The following MPHOSPH10 variants were observed in gnomAD, a reference collection of about 807,000 sequenced individuals.
The protein encoded by MPHOSPH10 is M-phase phosphoprotein 10, also known as U3 small nucleolar ribonucleoprotein MPP10.
A neutral mutation model predicts 77.3 loss-of-function variants in MPHOSPH10; 33 were observed. The observed-to-expected ratio is 0.43, with a 90% confidence interval of 0.32 to 0.57. MPHOSPH10 has a LOEUF of 0.57. Ranked by LOEUF, MPHOSPH10 falls within the 20% of genes least tolerant of loss-of-function variation. MPHOSPH10 has a pLI of 0.07. For missense variants in MPHOSPH10, 708 were observed against 780.1 expected (o/e 0.91, Z 1.10); for synonymous variants, 245 against 268.0 (o/e 0.91, Z 0.84).
intron 5 of MPHOSPH10, chr2:71,138,924 C>T (rs1673555326): frequency 5.1e-6 from 3 of 586,662 alleles, no homozygotes; most frequent in Non-Finnish European, 9.1e-6. Flanking sequence ...ATCCCATCTA[C>T]TCGGAAGGCT....
At chr2:71,149,156 C>G in intron 9 of MPHOSPH10, 67 bp from the exon 10 acceptor site, 1 of 1,424,244 alleles carries the variant, frequency 7.0e-7, no homozygotes, top group Admixed American at 2.4e-5. Flanking sequence ...CCTGCAGTTT[C>G]TTCCATTCCA....
At chr2:71,134,338 G>A (rs543518029) in intron 3 of MPHOSPH10, among the ~76,000 whole-genome samples, 1 of 152,208 alleles carries the variant, frequency 6.6e-6, no homozygotes, top group African/African-American at 2.4e-5. Flanking sequence ...CTTTGATTTG[G>A]TTTTGTGTCA....
Position 71,133,547 on chromosome 2 carries a change from G to T in MPHOSPH10, c.739G>T (p.Gly247Trp). The T allele has an allele frequency of 6.2e-7, 1 of 1,602,156 alleles. No homozygotes were observed. The highest frequency in any genetic ancestry group is 8.5e-7 in the Non-Finnish European group (1 of 1,175,646). ...FEDIDSDEDE[G>W]GLFGSKKLKS... Reference sequence around the variant, plus strand: ...AGATATTGATTCTGATGAAGATGAAGGGGGACTGTTTGGAAGTAAAAAACT... The same window carrying T: ...AGATATTGATTCTGATGAAGATGAATGGGGACTGTTTGGAAGTAAAAAACT... The change falls in exon 2 of 11, where the codon GGG becomes TGG. Residue 247 changes from glycine (G) to tryptophan (W), a missense_variant. Physicochemically the swap from Gly to Trp is radical, Grantham distance 184 (BLOSUM62 -2). Coordinates refer to ENST00000244230, the MANE Select transcript of MPHOSPH10 (RefSeq NM_005791.3).
At chr2:71,143,709 T>C (rs538832042) in intron 7 of MPHOSPH10, among the ~76,000 whole-genome samples, 1 of 152,222 alleles carries the variant, frequency 6.6e-6, no homozygotes, top group Non-Finnish European at 1.5e-5. Context: ...AATGGAACCA[T>C]ACCATATGTG....
intron 2 of MPHOSPH10, 34 bp from the exon 3 acceptor site, chr2:71,133,914 C>T: frequency 7.3e-7 from 1 of 1,375,206 alleles, no homozygotes; most frequent in East Asian, 2.5e-5. Flanking sequence ...TTTTCTATCC[C>T]TAATTAATAG....
chr2:71,137,706 A>G (rs1389159669), intron 4 of MPHOSPH10, among the ~76,000 whole-genome samples: 1 of 151,530 alleles, frequency 6.6e-6, no homozygotes, highest in Non-Finnish European at 1.5e-5. Flanking sequence ...ATGTATTTAT[A>G]TTCCACTAAG....
intron 1 of MPHOSPH10, among the ~76,000 whole-genome samples, chr2:71,131,219 A>G (rs1673370727): frequency 6.6e-6 from 1 of 152,228 alleles, no homozygotes; most frequent in South Asian, 2.1e-4. Flanking sequence ...TGAAGAATTT[A>G]AAATGTGATC....
intron 1 of MPHOSPH10, among the ~76,000 whole-genome samples, chr2:71,131,294 A>G (rs1410874727): frequency 6.6e-6 from 1 of 152,240 alleles, no homozygotes; most frequent in Non-Finnish European, 1.5e-5. Context: ...GCTCACAGCA[A>G]CTACAGACTG....
At chr2:71,140,608 A>G (rs1007583937) in intron 6 of MPHOSPH10, among the ~76,000 whole-genome samples, 3 of 152,164 alleles carry the variant, frequency 2.0e-5, no homozygotes, top group Non-Finnish European at 2.9e-5. Context: ...TAGTTCTACA[A>G]TTTTAAAACC....
intron 10 of MPHOSPH10, 115 bp downstream of exon 10, chr2:71,149,568 T>C: frequency 1.0e-6 from 1 of 966,798 alleles, no homozygotes; most frequent in Non-Finnish European, 1.6e-6. Context: ...GGGATAGAGA[T>C]GCATGATGCT....
In MPHOSPH10 at chr2:71,133,335, A is replaced by C. The variant is rs765709369; in HGVS notation, c.527A>C (p.Asp176Ala). The C allele has an allele frequency of 1.2e-6, 2 of 1,614,028 alleles. No individual in the cohort carries two copies. Among genetic ancestry groups the C allele is most frequent in the East Asian group, 2.2e-5 (1 of 44,882 alleles). The change falls in exon 2 of 11, where the codon GAT becomes GCT. Residue 176 changes from aspartate (D) to alanine (A), a missense_variant. Around this residue, in one of 3 missense-constraint regions of MPHOSPH10, gnomAD observed 433 missense variants for 432.6 expected, o/e 1.00. Transcript: ENST00000244230. ...FSDEDSDLDF[D>A]ISKLEQQSKV... ...GATGAGGATTCTGACCTTGACTTTG[A>C]TATCAGCAAATTGGAACAGCAGAGC...
intron 8 of MPHOSPH10, among the ~76,000 whole-genome samples, chr2:71,144,971 A>G (rs1257639432): frequency 2.0e-5 from 3 of 152,206 alleles, no homozygotes; most frequent in East Asian, 3.8e-4. Context: ...ACATACACTA[A>G]CACTTAATGC....
chr2:71,146,598 A>G (rs918813571), intron 8 of MPHOSPH10, among the ~76,000 whole-genome samples: 2 of 152,096 alleles, frequency 1.3e-5, no homozygotes, highest in African/African-American at 2.4e-5. Flanking sequence ...TTGGCCTCCC[A>G]AAGTGCTGGG....
Position 71,132,949 on chromosome 2 carries a change from T to G in MPHOSPH10, c.141T>G (p.Tyr47Ter). 1 of 1,613,446 alleles carries G rather than the reference T, an allele frequency of 6.2e-7. No homozygotes were observed. The highest frequency in any genetic ancestry group is 8.5e-7 in the Non-Finnish European group (1 of 1,179,730). ...TCACTTCTTTAACAAAAGTGCTTTATGACTTTAATAAAATATTAGAGAATG... is the reference window on the plus strand; with the variant it reads ...TCACTTCTTTAACAAAAGTGCTTTAGGACTTTAATAAAATATTAGAGAATG... ...SKFTSLTKVL[Y>*]DFNKILENGR... The change falls in exon 2 of 11, where the codon TAT (tyrosine) becomes TAG (stop). Residue 47 changes from tyrosine (Y) to a stop codon, truncating the protein, a stop_gained. Transcript: ENST00000244230. LOFTEE classifies it high-confidence loss of function.
At chr2:71,138,898 G>A (rs926843078) in intron 5 of MPHOSPH10, 83 of 599,416 alleles carry the variant, frequency 1.4e-4, no homozygotes, top group African/African-American at 1.4e-3. Flanking sequence ...AGCCAGATAC[G>A]GTGGCAGATT....
At chr2:71,136,487 C>T (rs1477685161) in intron 4 of MPHOSPH10, among the ~76,000 whole-genome samples, 3 of 151,580 alleles carry the variant, frequency 2.0e-5, no homozygotes, top group Admixed American at 6.6e-5. Flanking sequence ...AGCACTCTAG[C>T]CTGGGCAACA....
chr2:71,133,000 A>G lies in MPHOSPH10; in HGVS notation c.192A>G (p.Gln64=). ...ENGRIHGSPL[Q]KLVIENFDDE... ...GTAGGATCCATGGAAGCCCCTTGCA[A>G]AAACTTGTGATAGAAAATTTTGATG... is the stretch of plus-strand genomic sequence containing the variant. The change falls in exon 2 of 11, where the codon CAA becomes CAG. Residue 64 remains glutamine, a synonymous_variant. Coordinates refer to ENST00000244230, the MANE Select transcript of MPHOSPH10 (RefSeq NM_005791.3). The G allele has an allele frequency of 3.1e-6, 5 of 1,614,186 alleles. No individual in the cohort carries two copies. Among genetic ancestry groups the G allele is most frequent in the Non-Finnish European group, 4.2e-6 (5 of 1,180,018 alleles).
Position 71,148,076 on chromosome 2 carries a change from T to G in MPHOSPH10, c.1635T>G (p.Asp545Glu). Residue 545 changes from aspartate to glutamate, a missense_variant, in exon 9 of 11, where the codon GAT becomes GAG. Asp to Glu is a conservative substitution (Grantham distance 45). Transcript: ENST00000244230. Reference protein sequence around the residue: ...MEEVAPVSVSDAALLAPEEIK... With the variant: ...MEEVAPVSVSEAALLAPEEIK... ...AAGTAGCCCCAGTGAGTGTTAGTGA[T>G]GCAGCTCTCCTGGCCCCAGAGGAGA... 2 of 1,614,152 alleles carry G rather than the reference T, an allele frequency of 1.2e-6. No individual in the cohort carries two copies. Among genetic ancestry groups the G allele is most frequent in the Middle Eastern group, 1.6e-4 (1 of 6,062 alleles).
At chr2:71,147,961 C>T in intron 8 of MPHOSPH10, 38 bp from the exon 9 acceptor site, 1 of 1,535,092 alleles carries the variant, frequency 6.5e-7, no homozygotes, top group Non-Finnish European at 9.0e-7. Flanking sequence ...GTTAGAGTCC[C>T]TTCTGGCTTC....
Sources: gnomAD v4.1 joint callset for allele counts (sites outside exome capture counted in the v4.1 genomes callset) on GRCh38, gnomAD v4.1.1 for gene constraint, gnomAD v4.1.1 regional missense constraint, MANE v1.5 for transcripts, NCBI Gene and HGNC (gene_info 2026-07-23, HGNC 2026-07-21) for gene names.